Variants in CPA5 observed in about 807,000 individuals in gnomAD.
CPA5 encodes the protein testicular tissue protein Li 32.
Under a neutral mutation model 52.2 loss-of-function variants are expected in CPA5, and 38 were observed. That is an observed-to-expected ratio of 0.73 (90% CI 0.56 to 0.95). The LOEUF (loss-of-function observed/expected upper bound fraction) is 0.95, where lower values mean the gene tolerates loss of function less well. Among genes scored for constraint, CPA5 ranks in the 40% least tolerant of loss-of-function variants. The probability of loss-of-function intolerance (pLI) is 0.00; values close to 1 mark genes in which losing one functional copy is unlikely to be tolerated. For missense variants in CPA5, 519 were observed against 566.7 expected (o/e 0.92, Z 0.86); for synonymous variants, 198 against 213.7 (o/e 0.93, Z 0.64).
downstream of CPA5, among the ~76,000 whole-genome samples, chr7:130,372,683 C>A (rs1796306216): frequency 6.6e-6 from 1 of 152,304 alleles, no homozygotes; most frequent in African/African-American, 2.4e-5. Context: ...TGCGGCCATG[C>A]CTAGCTGTAA....
At chr7:130,362,268 A>G (rs1004183032) in intron 7 of CPA5, among the ~76,000 whole-genome samples, 170 bp from the exon 8 acceptor site, 1 of 152,110 alleles carries the variant, frequency 6.6e-6, no homozygotes. Context: ...AGGCCCTCAC[A>G]CGTGTGCACT....
chr7:130,369,622 T>C (rs1584844837), downstream of CPA5, among the ~76,000 whole-genome samples: 1 of 152,090 alleles, frequency 6.6e-6, no homozygotes, highest in East Asian at 1.9e-4. Context: ...GCTGTGTGTG[T>C]GTTTGTGTGT....
intron 5 of CPA5, among the ~76,000 whole-genome samples, chr7:130,351,570 G>A (rs562722742): frequency 1.6e-4 from 25 of 152,188 alleles, no homozygotes; most frequent in Admixed American, 2.6e-4. Flanking sequence ...TCACCAACTC[G>A]CTCTTCCTGC....
At chr7:130,351,596 G>A (rs1795146545) in intron 5 of CPA5, among the ~76,000 whole-genome samples, 3 of 152,136 alleles carry the variant, frequency 2.0e-5, no homozygotes, top group East Asian at 1.9e-4. Context: ...TCAAGCACTC[G>A]CTGCCATACT....
At chr7:130,361,920 T>G (rs1554406762) in intron 7 of CPA5, among the ~76,000 whole-genome samples, 1 of 152,218 alleles carries the variant, frequency 6.6e-6, no homozygotes, top group East Asian at 1.9e-4. Flanking sequence ...AGCAGCCAAG[T>G]GGACCCACCT....
downstream of CPA5, among the ~76,000 whole-genome samples, chr7:130,373,689 T>G (rs1185296211): frequency 3.9e-5 from 6 of 152,272 alleles, no homozygotes; most frequent in South Asian, 2.1e-4. Flanking sequence ...TTTAATTTAA[T>G]GTAAAAATGC....
chr7:130,351,788 C>T (rs1383503606), intron 5 of CPA5, among the ~76,000 whole-genome samples: 2 of 152,142 alleles, frequency 1.3e-5, no homozygotes, highest in Admixed American at 6.5e-5. Context: ...TACAGATGCA[C>T]GGGCCCGATT....
chr7:130,367,189 A>G (rs1359159962), intron 10 of CPA5, among the ~76,000 whole-genome samples, 183 bp from the exon 11 acceptor site: 2 of 152,088 alleles, frequency 1.3e-5, no homozygotes, highest in Admixed American at 6.5e-5. Context: ...TGCTCTTAAC[A>G]ATCTCAACCC....
rs879946855 is a variant in CPA5 at position 130,367,458 on chromosome 7, T to G, written c.925T>G (p.Phe309Val). ...GCCGGAGGTGGCTGCCATAGTGAAC[T>G]TCATCACAGCCCATGGCAACTTCAA... ...SEPEVAAIVN[F>V]ITAHGNFKAL... Residue 309 changes from phenylalanine to valine, a missense_variant, in exon 11 of 13, where the codon TTC becomes GTC. Coordinates refer to ENST00000474905, the MANE Select transcript of CPA5 (RefSeq NM_080385.5). 1.2e-6 allele frequency: 2 copies of G among 1,614,140 alleles called. No individual in the cohort carries two copies. Among genetic ancestry groups the G allele is most frequent in the Non-Finnish European group, 1.7e-6 (2 of 1,180,020 alleles).
At chr7:130,350,134 C>G (rs1554403574) in intron 5 of CPA5, 25 bp downstream of exon 5, 11 of 1,597,976 alleles carry the variant, frequency 6.9e-6, no homozygotes, top group Admixed American at 3.4e-5. Flanking sequence ...CAGCTGGGAC[C>G]CTGCCTTCCG....
chr7:130,367,277 C>T, intron 10 of CPA5, 95 bp from the exon 11 acceptor site: 1 of 1,086,974 alleles, frequency 9.2e-7, no homozygotes, highest in Non-Finnish European at 1.4e-6. Context: ...GCAAAGGAGG[C>T]TGGGAAATGT....
At position 130,368,554 on chromosome 7, in the gene CPA5, C is replaced by T. The variant is rs782212383; in HGVS notation, c.1268C>T (p.Ala423Val). 9.3e-6 allele frequency: 15 copies of T among 1,613,932 alleles called. No homozygotes were observed. Among genetic ancestry groups the T allele is most frequent in the Non-Finnish European group, 1.2e-5 (14 of 1,180,026 alleles). The change falls in exon 13 of 13, where the codon GCG becomes GTG. Residue 423 changes from alanine (A) to valine (V), a missense_variant. Physicochemically the swap from Ala to Val is moderately conservative, Grantham distance 64. Transcript: ENST00000474905. Reference protein sequence around the residue: ...IIPTAQETWMALRTIMEHTLN... With the variant: ...IIPTAQETWMVLRTIMEHTLN... ...CCCACGGCCCAGGAGACGTGGATGGCGCTTCGGACCATCATGGAGCACACC... is the reference window on the plus strand; with the variant it reads ...CCCACGGCCCAGGAGACGTGGATGGTGCTTCGGACCATCATGGAGCACACC...
intron 10 of CPA5, among the ~76,000 whole-genome samples, chr7:130,364,336 G>T (rs150490992): frequency 0.15 from 23,588 of 152,192 alleles, 2,342 homozygotes; most frequent in Admixed American, 0.31. Context: ...GGGATTGCAG[G>T]TGCCCACCAC....
At chr7:130,361,916 C>T (rs982271734) in intron 7 of CPA5, among the ~76,000 whole-genome samples, 2 of 152,218 alleles carry the variant, frequency 1.3e-5, no homozygotes, top group African/African-American at 4.8e-5. Flanking sequence ...TCCGAGCAGC[C>T]AAGTGGACCC....
intron 4 of CPA5, among the ~76,000 whole-genome samples, chr7:130,348,151 G>T (rs1794890243): frequency 6.6e-6 from 1 of 152,276 alleles, no homozygotes; most frequent in East Asian, 1.9e-4. Flanking sequence ...AAGCCACACG[G>T]GTGGGAGGGC....
chr7:130,372,458 T>C (rs1796304193), downstream of CPA5, among the ~76,000 whole-genome samples: 1 of 152,250 alleles, frequency 6.6e-6, no homozygotes, highest in African/African-American at 2.4e-5. Context: ...AGTCCAGGGC[T>C]GGACAGTGAC....
chr7:130,361,373 G>A (rs1584820740), intron 7 of CPA5, 129 bp downstream of exon 7: 5 of 660,120 alleles, frequency 7.6e-6, no homozygotes, highest in East Asian at 2.7e-5. Flanking sequence ...CTGTCCCCAG[G>A]TGACCCATAA....
chr7:130,362,915 TGA>T lies in CPA5; in HGVS notation c.669_670del (p.Thr224ArgfsTer17). The T allele has an allele frequency of 6.2e-7, 1 of 1,613,476 alleles. No individual in the cohort carries two copies. Among genetic ancestry groups the T allele is most frequent in the Non-Finnish European group, 8.5e-7 (1 of 1,179,444 alleles). On this transcript the variant is annotated frameshift_variant, in exon 9 of 13. Coordinates refer to ENST00000474905, the MANE Select transcript of CPA5 (RefSeq NM_080385.5). LOFTEE classifies it high-confidence loss of function. Reference sequence around the variant, plus strand: ...AGTGATTATGGCAAAGACCGTGTCCTGACAGACATACTGAATGCCATGGACAT... The same window carrying T: ...AGTGATTATGGCAAAGACCGTGTCCTCAGACATACTGAATGCCATGGACAT...
At chr7:130,353,826 C>T (rs1430271229) in intron 5 of CPA5, among the ~76,000 whole-genome samples, 3 of 152,196 alleles carry the variant, frequency 2.0e-5, no homozygotes, top group African/African-American at 7.2e-5. Flanking sequence ...TCCTTTAAAA[C>T]TATTGCAAAT....
Sources: allele counts gnomAD v4.1 joint callset (sites outside exome capture counted in the v4.1 genomes callset), GRCh38; gene constraint gnomAD v4.1.1; transcripts MANE v1.5; gene names NCBI Gene and HGNC (gene_info 2026-07-23, HGNC 2026-07-21).